Variants in BCKDHB observed in about 807,000 individuals in gnomAD.
The protein encoded by BCKDHB is branched chain keto acid dehydrogenase E1 subunit beta.
In BCKDHB, 41 loss-of-function variants were observed where a neutral mutation model predicts 48.5. That is an observed-to-expected ratio of 0.85 (90% CI 0.66 to 1.10). BCKDHB has a LOEUF of 1.10. Ranked by LOEUF, BCKDHB falls within the 50% of genes least tolerant of loss-of-function variation. BCKDHB has a pLI of 0.00. For missense variants in BCKDHB, 496 were observed against 494.2 expected (o/e 1.00, Z -0.03); for synonymous variants, 201 against 174.8 (o/e 1.15, Z -1.18).
intron 3 of BCKDHB, among the ~76,000 whole-genome samples, chr6:80,153,188 C>T (rs1771875270): frequency 6.6e-6 from 1 of 152,202 alleles, no homozygotes; most frequent in Admixed American, 6.5e-5. Flanking sequence ...TATAGCCTCC[C>T]TCTGTTCAGT....
chr6:80,438,196 G>A, the BCKDHB span, among the ~76,000 whole-genome samples: 3 of 152,152 alleles, frequency 2.0e-5, no homozygotes, highest in East Asian at 5.8e-4. Context: ...ATACACACAG[G>A]CAGTTGTACT....
rs1776053056 is a variant in BCKDHB, at chr6:80,234,245, A to T, written c.951+31033A>T. ...GGACCCCTGGTATAATGGATGTAGT[A>T]TCAGTCACCACAGTCTCCTGCCTTA... On this transcript the variant is annotated intron_variant, in intron 8 of 9. Coordinates refer to ENST00000320393, the MANE Select transcript of BCKDHB (RefSeq NM_183050.4). Among the ~76,000 whole-genome samples, 7 of 152,194 alleles carry T rather than the reference A, an allele frequency of 4.6e-5. No individual in the cohort carries two copies. The South Asian group carries it at 1.5e-3, about 32-fold the overall frequency.
intron 3 of BCKDHB, among the ~76,000 whole-genome samples, chr6:80,151,429 T>TG (rs200637954): frequency 0.072 from 10,908 of 151,386 alleles, 583 homozygotes; most frequent in South Asian, 0.24. Flanking sequence ...CTTTTTTTTT[T>TG]TTTGTTTTTT....
the BCKDHB span, among the ~76,000 whole-genome samples, chr6:80,424,737 A>G: frequency 6.6e-6 from 1 of 152,182 alleles, no homozygotes; most frequent in African/African-American, 2.4e-5. Flanking sequence ...GTCTCCTGGC[A>G]TGTCAAATTG....
At chr6:80,244,980 C>A (rs985511079) in intron 8 of BCKDHB, among the ~76,000 whole-genome samples, 1 of 152,210 alleles carries the variant, frequency 6.6e-6, no homozygotes, top group South Asian at 2.1e-4. Flanking sequence ...AGCATCTACT[C>A]TGGAGCCAGG....
At chr6:80,255,623 A>T (rs11967081) in intron 8 of BCKDHB, among the ~76,000 whole-genome samples, 11,135 of 152,172 alleles carry the variant, frequency 0.073, 578 homozygotes, top group South Asian at 0.24. Flanking sequence ...TTTCCTTGTT[A>T]TAGGGATCAT....
At chr6:80,308,871 G>A (rs1319661291) in intron 9 of BCKDHB, among the ~76,000 whole-genome samples, 5 of 151,538 alleles carry the variant, frequency 3.3e-5, no homozygotes, top group Admixed American at 6.6e-5. Flanking sequence ...GTCAGCCACC[G>A]CACCCGGCCG....
At chr6:80,336,842 T>G (rs971547568) in intron 9 of BCKDHB, among the ~76,000 whole-genome samples, 11 of 152,070 alleles carry the variant, frequency 7.2e-5, no homozygotes, top group Non-Finnish European at 1.6e-4. Flanking sequence ...ATAAGCATAC[T>G]TCTAACATTT....
intron 1 of BCKDHB, among the ~76,000 whole-genome samples, chr6:80,113,985 C>G (rs1015681489): frequency 6.6e-6 from 1 of 152,192 alleles, no homozygotes; most frequent in Non-Finnish European, 1.5e-5. Flanking sequence ...CATGACTAGC[C>G]TGATTGGTTG....
chr6:80,305,104 C>A (rs577213686), intron 9 of BCKDHB, among the ~76,000 whole-genome samples: 1 of 152,078 alleles, frequency 6.6e-6, no homozygotes, highest in African/African-American at 2.4e-5. Flanking sequence ...CATAGAAAAT[C>A]TAATTTAGGC....
At chr6:80,429,470 G>T in the BCKDHB span, among the ~76,000 whole-genome samples, 1 of 152,142 alleles carries the variant, frequency 6.6e-6, no homozygotes, top group Non-Finnish European at 1.5e-5. Flanking sequence ...GGGCAGTATG[G>T]CCATTTTCAC....
rs575395321 is a variant in BCKDHB at position 80,140,104 on chromosome 6, T to G, written c.343+10875T>G. Among the ~76,000 whole-genome samples the G allele has an allele frequency of 4.7e-3, 715 of 152,316 alleles. 6 individuals carry two copies. Among genetic ancestry groups the G allele is most frequent in the African/African-American group, 0.016 (676 of 41,562 alleles). On this transcript the variant is annotated intron_variant, in intron 3 of 9. Coordinates refer to ENST00000320393, the MANE Select transcript of BCKDHB (RefSeq NM_183050.4). ...GTTCACTCATGATTTGGCTCTCTGT[T>G]TGTCTTTTATTGGTGTATAAGAATG...
intron 1 of BCKDHB, among the ~76,000 whole-genome samples, chr6:80,117,528 C>T (rs570093692): frequency 6.2e-4 from 94 of 152,350 alleles, no homozygotes; most frequent in African/African-American, 2.3e-3. Flanking sequence ...TAAAGAGAAT[C>T]TCTGCAGCAC....
chr6:80,456,604 G>C, the BCKDHB span, among the ~76,000 whole-genome samples: 1 of 152,214 alleles, frequency 6.6e-6, no homozygotes, highest in East Asian at 1.9e-4. Flanking sequence ...AAGCATTTAA[G>C]TATGAAGATA....
chr6:80,243,064 C>A (rs573742909), intron 8 of BCKDHB, among the ~76,000 whole-genome samples: 3 of 152,248 alleles, frequency 2.0e-5, no homozygotes, highest in South Asian at 4.1e-4. Context: ...ATAGTCATAT[C>A]TCAGCCACAG....
chr6:80,207,609 C>T (rs913291736), intron 8 of BCKDHB, among the ~76,000 whole-genome samples: 5 of 151,608 alleles, frequency 3.3e-5, no homozygotes, highest in Admixed American at 2.6e-4. Context: ...AAAACAACTA[C>T]CACCACCATG....
chr6:80,145,192 T>G (rs1322366373), intron 3 of BCKDHB, among the ~76,000 whole-genome samples: 1 of 152,178 alleles, frequency 6.6e-6, no homozygotes. Flanking sequence ...GACTCTATCT[T>G]TCTGTTGTGA....
chr6:80,279,012 T>A (rs973853263), intron 9 of BCKDHB, among the ~76,000 whole-genome samples: 4 of 152,216 alleles, frequency 2.6e-5, no homozygotes, highest in South Asian at 2.1e-4. Context: ...TGTGAAACAA[T>A]GAGAAAAGGT....
intron 9 of BCKDHB, among the ~76,000 whole-genome samples, chr6:80,338,907 A>G (rs1769742527): frequency 6.6e-6 from 1 of 152,182 alleles, no homozygotes; most frequent in Non-Finnish European, 1.5e-5. Context: ...AATAAACAGT[A>G]TAAACCTCGG....
Sources: gnomAD v4.1 joint callset for allele counts (sites outside exome capture counted in the v4.1 genomes callset) on GRCh38, gnomAD v4.1.1 for gene constraint, MANE v1.5 for transcripts, NCBI Gene and HGNC (gene_info 2026-07-23, HGNC 2026-07-21) for gene names.